The following TSPYL6 variants were observed in gnomAD, a reference collection of about 807,000 sequenced individuals.
TSPYL6 encodes TSPY like 6.
For synonymous variants in TSPYL6, 259 were observed against 214.8 expected (o/e 1.21, Z -1.80); for missense variants, 699 against 531.5 (o/e 1.32, Z -3.10).
chr2:54,255,810 G>A lies in TSPYL6; in HGVS notation c.342C>T (p.Gly114=), dbSNP rs1385780410. 4 of 1,613,874 alleles carry A rather than the reference G, an allele frequency of 2.5e-6. No homozygotes were observed. Among genetic ancestry groups the A allele is most frequent in the Admixed American group, 3.3e-5 (2 of 60,020 alleles). ...GGCCGTGCGTCTCTTCACCCGGAAA[G>A]CCATTTTTGAGGCTGCCGTCAGTTG... is the stretch of plus-strand genomic sequence containing the variant. The part of the protein sequence containing the change: ...SLTTDGSLKN[G]FPGEETHGLG... Residue 114 remains glycine, a synonymous_variant, in exon 1 of 1, where the codon GGC becomes GGT. Transcript: ENST00000317802.
rs1294212236 is a variant in TSPYL6 at position 54,253,775 on chromosome 2, TAAACC to T, written c.*1139_*1143del. 6.6e-6 allele frequency: 1 copy of T among 152,208 alleles called. No individual in the cohort carries two copies. The highest frequency in any genetic ancestry group is 1.5e-5 in the Non-Finnish European group (1 of 68,058). 9.4% of individuals were successfully genotyped at this position (152,208 alleles called of 1,614,324 possible). A position where few individuals can be genotyped will look rare whatever the true frequency, so the allele number is the denominator to read the frequency against. On this transcript the variant is annotated 3_prime_UTR_variant, in exon 1 of 1. Coordinates refer to ENST00000317802, the MANE Select transcript of TSPYL6 (RefSeq NM_001003937.3). ...CATTCCATACAGCTCTGTAGTCCTT[TAAACC>T]CTCTAGGAATTGCTAAAGAGGGGTG...
In TSPYL6 at chr2:54,255,515, C is replaced by G. The variant is rs1573000751; in HGVS notation, c.637G>C (p.Asp213His). ...CTGTCAGCCTCTGCATTCACGGAGT[C>G]CAGTTCCAGCTGGATGGACTCCAGG... is the stretch of plus-strand genomic sequence containing the variant. ...NPLESIQLEL[D>H]SVNAEADRAL... Residue 213 changes from aspartate (D) to histidine (H), a missense_variant, in exon 1 of 1, where the codon GAC (aspartate) becomes CAC (histidine). Coordinates refer to ENST00000317802, the MANE Select transcript of TSPYL6 (RefSeq NM_001003937.3). 5.6e-6 allele frequency: 9 copies of G among 1,613,892 alleles called. No homozygotes were observed. Among genetic ancestry groups the G allele is most frequent in the Non-Finnish European group, 7.6e-6 (9 of 1,180,018 alleles).
In TSPYL6 at chr2:54,254,916, A is replaced by G; in HGVS notation, c.*3T>C. 3 of 1,604,136 alleles carry G rather than the reference A, an allele frequency of 1.9e-6. No individual in the cohort carries two copies. Among genetic ancestry groups the G allele is most frequent in the Non-Finnish European group, 2.5e-6 (3 of 1,176,742 alleles). On this transcript the variant is annotated 3_prime_UTR_variant, in exon 1 of 1. Coordinates refer to ENST00000317802, the MANE Select transcript of TSPYL6 (RefSeq NM_001003937.3). The stretch of plus-strand genomic sequence containing the variant: ...TCTGCAGGAGTAATTCCAAAGGCAA[A>G]GGTTAACCACACTGGAACCCAAAGG...
In TSPYL6 at chr2:54,255,605, C is replaced by T; in HGVS notation, c.547G>A (p.Val183Ile). The change falls in exon 1 of 1, where the codon GTA (valine) becomes ATA (isoleucine). Residue 183 changes from valine to isoleucine, a missense_variant. Coordinates refer to ENST00000317802, the MANE Select transcript of TSPYL6 (RefSeq NM_001003937.3). The part of the protein sequence containing the change: ...VAEENRAIDE[V>I]NREAGPGPGP... ...GGCCCAGGCCCTGCCTCCCTGTTTA[C>T]CTCATCTATTGCTCTGTTTTCTTCC... 3 of 1,613,622 alleles carry T rather than the reference C, an allele frequency of 1.9e-6. No homozygotes were observed. Among genetic ancestry groups the T allele is most frequent in the Non-Finnish European group, 2.5e-6 (3 of 1,179,980 alleles).
chr2:54,254,329 GTC>G lies in TSPYL6; in HGVS notation c.*588_*589del. 6.6e-6 allele frequency: 1 copy of G among 152,634 alleles called. No individual in the cohort carries two copies. The highest frequency in any genetic ancestry group is 1.5e-5 in the Non-Finnish European group (1 of 68,302). The allele number at this position is 152,634 out of a possible 1,614,324, so 9.5% of individuals were successfully genotyped here. A position where few individuals can be genotyped will look rare whatever the true frequency, so the allele number is the denominator to read the frequency against. ...AAACCAGAGAGTGGAGCTGGCAATG[GTC>G]TGGGATATGTTCACTCAGCAGGGAG... is the stretch of plus-strand genomic sequence containing the variant. On this transcript the variant is annotated 3_prime_UTR_variant, in exon 1 of 1. Transcript: ENST00000317802.
At position 54,256,216 on chromosome 2, in the gene TSPYL6, TCA is replaced by T; in HGVS notation, c.-67_-66del. The T allele has an allele frequency of 1.3e-6, 2 of 1,524,458 alleles. No individual in the cohort carries two copies. The highest frequency in any genetic ancestry group is 2.1e-5 in the Admixed American group (1 of 47,176). 94.4% of individuals were successfully genotyped at this position (1,524,458 alleles called of 1,614,324 possible). ...CAGAGGTAGGTAGCGTCAACGTTCC[TCA>T]CACAAAATGGCGAGTAAACACCTCG... On this transcript the variant is annotated 5_prime_UTR_variant, in exon 1 of 1. Coordinates refer to ENST00000317802, the MANE Select transcript of TSPYL6 (RefSeq NM_001003937.3).
Position 54,255,586 on chromosome 2 carries a change from G to A in TSPYL6, c.566C>T (p.Pro189Leu), listed in dbSNP as rs1244405890. 3 of 1,613,516 alleles carry A rather than the reference G, an allele frequency of 1.9e-6. No individual in the cohort carries two copies. The highest frequency in any genetic ancestry group is 1.7e-5 in the Admixed American group (1 of 59,994). The change falls in exon 1 of 1, where the codon CCT (proline) becomes CTT (leucine). Residue 189 changes from proline to leucine, a missense_variant. By Grantham distance (98) the Pro-to-Leu change is moderately conservative. Coordinates refer to ENST00000317802, the MANE Select transcript of TSPYL6 (RefSeq NM_001003937.3). ...GTTCAGGGGCCCGGGCCCGGGCCCA[G>A]GCCCTGCCTCCCTGTTTACCTCATC... ...AIDEVNREAG[P>L]GPGPGPLNVG...
Position 54,254,868 on chromosome 2 carries a change from C to T in TSPYL6, c.*51G>A, listed in dbSNP as rs764934885. ...TAATGCTGTTGCCCAAGCTCAGGTC[C>T]AGCTGGTGGTGGCAGGCAACCTTCT... On this transcript the variant is annotated 3_prime_UTR_variant, in exon 1 of 1. Transcript: ENST00000317802. 3.2e-6 allele frequency: 5 copies of T among 1,564,374 alleles called. No homozygotes were observed. The highest frequency in any genetic ancestry group is 2.3e-4 in the Middle Eastern group (1 of 4,330).
In TSPYL6 at chr2:54,255,498, C is replaced by T; in HGVS notation, c.654G>A (p.Glu218=). 1.2e-6 allele frequency: 2 copies of T among 1,614,020 alleles called. No individual in the cohort carries two copies. The highest frequency in any genetic ancestry group is 1.7e-6 in the Non-Finnish European group (2 of 1,179,996). The part of the protein sequence containing the change: ...IQLELDSVNA[E]ADRALLQVER... ...CCACCTGCAGGAGCGCCCTGTCAGCCTCTGCATTCACGGAGTCCAGTTCCA... is the reference window on the plus strand; with the variant it reads ...CCACCTGCAGGAGCGCCCTGTCAGCTTCTGCATTCACGGAGTCCAGTTCCA... Residue 218 remains glutamate (E), a synonymous_variant, in exon 1 of 1, where the codon GAG becomes GAA. Transcript: ENST00000317802.
chr2:54,254,900 G>GT lies in TSPYL6; in HGVS notation c.*18dup. Reference sequence around the variant, plus strand: ...TGGTGGCAGGCAACCTTCTGCAGGAGTAATTCCAAAGGCAAAGGTTAACCA... The same window carrying GT: ...TGGTGGCAGGCAACCTTCTGCAGGAGTTAATTCCAAAGGCAAAGGTTAACCA... On this transcript the variant is annotated 3_prime_UTR_variant, in exon 1 of 1. Coordinates refer to ENST00000317802, the MANE Select transcript of TSPYL6 (RefSeq NM_001003937.3). The GT allele has an allele frequency of 6.3e-7, 1 of 1,598,880 alleles. No homozygotes were observed. Among genetic ancestry groups the GT allele is most frequent in the East Asian group, 2.2e-5 (1 of 44,790 alleles).
In TSPYL6 at chr2:54,255,487, G is replaced by A. The variant is rs373884672; in HGVS notation, c.665C>T (p.Ala222Val). 5 of 1,613,798 alleles carry A rather than the reference G, an allele frequency of 3.1e-6. No homozygotes were observed. The highest frequency in any genetic ancestry group is 2.7e-5 in the African/African-American group (2 of 74,848). The change falls in exon 1 of 1, where the codon GCG becomes GTG. Residue 222 changes from alanine (A) to valine (V), a missense_variant. Transcript: ENST00000317802. Reference sequence around the variant, plus strand: ...AAACCTGCGCTCCACCTGCAGGAGCGCCCTGTCAGCCTCTGCATTCACGGA... The same window carrying A: ...AAACCTGCGCTCCACCTGCAGGAGCACCCTGTCAGCCTCTGCATTCACGGA... ...LDSVNAEADR[A>V]LLQVERRFGQ...
Position 54,255,588 on chromosome 2 carries a change from C to A in TSPYL6, c.564G>T (p.Gly188=), listed in dbSNP as rs370598518. The A allele has an allele frequency of 3.1e-6, 5 of 1,613,634 alleles. No individual in the cohort carries two copies. In the African/African-American group the frequency reaches 6.7e-5, roughly 22 times the overall value. ...TCAGGGGCCCGGGCCCGGGCCCAGG[C>A]CCTGCCTCCCTGTTTACCTCATCTA... ...RAIDEVNREA[G]PGPGPGPLNV... Residue 188 remains glycine, a synonymous_variant, in exon 1 of 1, where the codon GGG becomes GGT. Coordinates refer to ENST00000317802, the MANE Select transcript of TSPYL6 (RefSeq NM_001003937.3).
Position 54,255,940 on chromosome 2 carries a change from A to C in TSPYL6, c.212T>G (p.Phe71Cys). The stretch of plus-strand genomic sequence containing the variant: ...GCGACCCGCATCGACCAAGATGTGG[A>C]AAGTATGGCCACCATCTGCGGGATC... ...PQDPADGGHT[F>C]HILVDAGRSH... is the part of the protein sequence containing the mutation. The change falls in exon 1 of 1, where the codon TTC (phenylalanine) becomes TGC (cysteine). Residue 71 changes from phenylalanine to cysteine, a missense_variant. Physicochemically the swap from Phe to Cys is radical, Grantham distance 205. Coordinates refer to ENST00000317802, the MANE Select transcript of TSPYL6 (RefSeq NM_001003937.3). The C allele has an allele frequency of 6.2e-7, 1 of 1,614,088 alleles. No homozygotes were observed. The highest frequency in any genetic ancestry group is 8.5e-7 in the Non-Finnish European group (1 of 1,180,006).
Position 54,254,023 on chromosome 2 carries a change from G to C in TSPYL6, c.*896C>G, listed in dbSNP as rs560555636. The C allele has an allele frequency of 1.3e-5, 2 of 152,304 alleles. No individual in the cohort carries two copies. Among genetic ancestry groups the C allele is most frequent in the African/African-American group, 4.8e-5 (2 of 41,550 alleles). 9.4% of individuals were successfully genotyped at this position (152,304 alleles called of 1,614,324 possible). On this transcript the variant is annotated 3_prime_UTR_variant, in exon 1 of 1. Coordinates refer to ENST00000317802, the MANE Select transcript of TSPYL6 (RefSeq NM_001003937.3). ...GTACACTCACTCTGGCACTTCATTA[G>C]GTTCAGGAAGGGAGGCAAATAAAGG...
In TSPYL6 at chr2:54,255,994, C is replaced by T. The variant is rs368934763; in HGVS notation, c.158G>A (p.Arg53Gln). Reference protein sequence around the residue: ...RLEPIVFPPPRLPEEGVAPQD... With the variant: ...RLEPIVFPPPQLPEEGVAPQD... The stretch of plus-strand genomic sequence containing the variant: ...GGGCGCGACCCCCTCCTCTGGAAGC[C>T]GGGGCGGTGGGAACACGATTGGCTC... The change falls in exon 1 of 1, where the codon CGG (arginine) becomes CAG (glutamine). Residue 53 changes from arginine to glutamine, a missense_variant. Coordinates refer to ENST00000317802, the MANE Select transcript of TSPYL6 (RefSeq NM_001003937.3). 54 of 1,614,010 alleles carry T rather than the reference C, an allele frequency of 3.3e-5. No individual in the cohort carries two copies. The South Asian group carries it at 4.3e-4, about 13-fold the overall frequency.
rs1687517131 is a variant in TSPYL6 at position 54,256,154 on chromosome 2, T to A, written c.-3A>T. On this transcript the variant is annotated 5_prime_UTR_variant, in exon 1 of 1. Coordinates refer to ENST00000317802, the MANE Select transcript of TSPYL6 (RefSeq NM_001003937.3). ...TGAGGACTCTCCGGGAGGCTCATGTTGGTAGCGGCCAGGGCAGCAGTGGGT... is the reference window on the plus strand; with the variant it reads ...TGAGGACTCTCCGGGAGGCTCATGTAGGTAGCGGCCAGGGCAGCAGTGGGT... 6.2e-7 allele frequency: 1 copy of A among 1,608,902 alleles called. No individual in the cohort carries two copies. Among genetic ancestry groups the A allele is most frequent in the Non-Finnish European group, 8.5e-7 (1 of 1,176,856 alleles).
rs1438801571 is a variant in TSPYL6, at chr2:54,253,239, G to C, written c.*1680C>G. 6.6e-6 allele frequency: 1 copy of C among 152,208 alleles called. No homozygotes were observed. The highest frequency in any genetic ancestry group is 1.5e-5 in the Non-Finnish European group (1 of 68,026). The allele number at this position is 152,208 out of a possible 1,614,324, so 9.4% of individuals were successfully genotyped here. On this transcript the variant is annotated 3_prime_UTR_variant, in exon 1 of 1. Coordinates refer to ENST00000317802, the MANE Select transcript of TSPYL6 (RefSeq NM_001003937.3). Reference sequence around the variant, plus strand: ...CAATAGTTTCCAGTCTTCCGCATCAGATAAGACCAAGTTATTCAAATTAAA... The same window carrying C: ...CAATAGTTTCCAGTCTTCCGCATCACATAAGACCAAGTTATTCAAATTAAA...
rs973698352 is a variant in TSPYL6 at position 54,255,914 on chromosome 2, T to G, written c.238A>C (p.Ser80Arg). The G allele has an allele frequency of 9.3e-6, 15 of 1,613,966 alleles. No homozygotes were observed. Among genetic ancestry groups the G allele is most frequent in the Non-Finnish European group, 1.2e-5 (14 of 1,179,998 alleles). ...TFHILVDAGR[S>R]HGAIKAGQEV... ...TGCCCCGCTTTGATGGCTCCATGAC[T>G]GCGACCCGCATCGACCAAGATGTGG... Residue 80 changes from serine to arginine, a missense_variant, in exon 1 of 1, where the codon AGT becomes CGT. By Grantham distance (110) the Ser-to-Arg change is moderately radical (BLOSUM62 -1). Transcript: ENST00000317802.
rs768722286 is a variant in TSPYL6 at position 54,254,907 on chromosome 2, C to T, written c.*12G>A. ...AGGCAACCTTCTGCAGGAGTAATTCCAAAGGCAAAGGTTAACCACACTGGA... is the reference window on the plus strand; with the variant it reads ...AGGCAACCTTCTGCAGGAGTAATTCTAAAGGCAAAGGTTAACCACACTGGA... On this transcript the variant is annotated 3_prime_UTR_variant, in exon 1 of 1. Transcript: ENST00000317802. The T allele has an allele frequency of 1.9e-6, 3 of 1,598,982 alleles. No homozygotes were observed. In the African/African-American group the frequency reaches 4.0e-5, roughly 22 times the overall value.
Sources: allele counts gnomAD v4.1 joint callset, GRCh38; gene constraint gnomAD v4.1.1; transcripts MANE v1.5; gene names NCBI Gene and HGNC (gene_info 2026-07-23, HGNC 2026-07-21).